PCDHA2: variants seen among roughly 807,000 people sequenced by gnomAD.
The protein encoded by PCDHA2 is protocadherin alpha-2.
Under a neutral mutation model 66.0 loss-of-function variants are expected in PCDHA2, and 58 were observed. The observed-to-expected ratio is 0.88, with a 90% CI of 0.71 to 1.09. The LOEUF is 1.09. PCDHA2 is among the 50% of genes least tolerant of loss of function. The probability of loss-of-function intolerance (pLI) is 0.00; values close to 1 mark genes in which losing one functional copy is unlikely to be tolerated. For missense variants in PCDHA2, 1,267 were observed against 1,242.3 expected (o/e 1.02, Z -0.30); for synonymous variants, 634 against 554.0 (o/e 1.14, Z -2.03).
intron 1 of PCDHA2, among the ~76,000 whole-genome samples, chr5:140,799,614 G>A (rs1432047131): frequency 1.3e-5 from 2 of 151,580 alleles, no homozygotes; most frequent in African/African-American, 2.4e-5. Context: ...TATTTATCTT[G>A]CTTGAAAAAG....
At chr5:140,876,323 T>C (rs1554168484) in intron 1 of PCDHA2, 1 of 1,614,000 alleles carries the variant, frequency 6.2e-7, no homozygotes, top group Middle Eastern at 1.6e-4. Context: ...ATCAAAATGA[T>C]TTTGCCAGTG....
rs1767505494 is a variant in PCDHA2, at chr5:140,822,996, G to T, written c.2388+25644G>T. On this transcript the variant is annotated intron_variant, in intron 1 of 3. Coordinates refer to ENST00000526136, the MANE Select transcript of PCDHA2 (RefSeq NM_018905.3). ...CCTTCAAGAATTACTACTCGTTGGT[G>T]CTGGACAGCGCCCTGGACCGCGAGA... 5 of 1,614,122 alleles carry T rather than the reference G, an allele frequency of 3.1e-6. No individual in the cohort carries two copies. In the South Asian group the frequency reaches 4.4e-5, roughly 14 times the overall value.
Position 140,941,322 on chromosome 5 carries a change from T to C in PCDHA2, c.2389-37627T>C, listed in dbSNP as rs1340835610. Among the ~76,000 whole-genome samples the C allele has an allele frequency of 3.4e-5, 5 of 145,550 alleles. No individual in the cohort carries two copies. The East Asian group carries it at 6.0e-4, about 17-fold the overall frequency. The stretch of plus-strand genomic sequence containing the variant: ...TTTCTTTCTTTTTCTTCTTTCTCTT[T>C]TTTTTTTTTTTTCAGATGGAGTCTT... On this transcript the variant is annotated intron_variant, in intron 1 of 3. Coordinates refer to ENST00000526136, the MANE Select transcript of PCDHA2 (RefSeq NM_018905.3).
intron 1 of PCDHA2, among the ~76,000 whole-genome samples, chr5:140,962,378 G>A (rs184607177): frequency 2.1e-3 from 316 of 152,286 alleles, no homozygotes; most frequent in African/African-American, 7.3e-3. Context: ...GATTTTATCT[G>A]TTAATATTAC....
intron 1 of PCDHA2, among the ~76,000 whole-genome samples, chr5:140,890,310 G>C (rs1554184247): frequency 6.6e-6 from 1 of 152,160 alleles, no homozygotes; most frequent in African/African-American, 2.4e-5. Context: ...GTAATATTAA[G>C]TTGTTTTAAG....
chr5:140,875,349 C>T lies in PCDHA2; in HGVS notation c.2388+77997C>T, dbSNP rs113418307. The T allele has an allele frequency of 9.7e-4, 1,402 of 1,444,894 alleles. 9 individuals carry two copies. In the African/African-American group the frequency reaches 0.018, roughly 18 times the overall value. 89.5% of individuals were successfully genotyped at this position (1,444,894 alleles called of 1,614,324 possible). A position where few individuals can be genotyped will look rare whatever the true frequency, so the allele number is the denominator to read the frequency against. ...CGGAATAGGATCGACTCCATAATGA[C>T]TGTGATGCTGGAAAAAATTTACTAA... On this transcript the variant is annotated intron_variant, in intron 1 of 3. Coordinates refer to ENST00000526136, the MANE Select transcript of PCDHA2 (RefSeq NM_018905.3).
chr5:140,961,135 A>T (rs1554225235), intron 1 of PCDHA2, among the ~76,000 whole-genome samples: 2 of 152,186 alleles, frequency 1.3e-5, no homozygotes, highest in African/African-American at 4.8e-5. Flanking sequence ...TTGGCACTTA[A>T]GAGTTGGCAT....
chr5:140,968,301 A>G (rs886575781), intron 1 of PCDHA2: 9 of 1,613,914 alleles, frequency 5.6e-6, no homozygotes, highest in Non-Finnish European at 7.6e-6. Flanking sequence ...CTGGAGAGGG[A>G]GATTCAAGGG....
At chr5:140,963,594 C>G (rs549697848) in intron 1 of PCDHA2, among the ~76,000 whole-genome samples, 1 of 152,258 alleles carries the variant, frequency 6.6e-6, no homozygotes, top group South Asian at 2.1e-4. Flanking sequence ...GGATATAGTT[C>G]TAGACGTAAT....
chr5:140,909,684 GT>G (rs2074636344), intron 1 of PCDHA2, among the ~76,000 whole-genome samples: 1 of 152,220 alleles, frequency 6.6e-6, no homozygotes, highest in Non-Finnish European at 1.5e-5. Context: ...GGGAGCCAAT[GT>G]GGGGGTTCTG....
At chr5:140,822,871 A>G (rs1767455732) in intron 1 of PCDHA2, 1 of 1,614,204 alleles carries the variant, frequency 6.2e-7, no homozygotes, top group Non-Finnish European at 8.5e-7. Context: ...TCCACTCAGC[A>G]CGGTCATTGC....
intron 1 of PCDHA2, among the ~76,000 whole-genome samples, chr5:140,933,690 T>A (rs1382967033): frequency 1.3e-5 from 2 of 152,048 alleles, no homozygotes; most frequent in Non-Finnish European, 2.9e-5. Flanking sequence ...TTTTTCCTAT[T>A]CCTCGGACAC....
chr5:140,909,376 A>C (rs934172847), intron 1 of PCDHA2, among the ~76,000 whole-genome samples: 3 of 152,208 alleles, frequency 2.0e-5, no homozygotes, highest in Non-Finnish European at 4.4e-5. Context: ...AAGCAATGAA[A>C]CCACATCTAG....
At chr5:140,928,676 G>A in intron 1 of PCDHA2, 2 of 1,614,166 alleles carry the variant, frequency 1.2e-6, no homozygotes, top group East Asian at 2.2e-5. Context: ...TCTAATGCCT[G>A]GCTTTCCTAC....
At chr5:140,998,881 T>C (rs892142070) in intron 3 of PCDHA2, among the ~76,000 whole-genome samples, 13 of 152,224 alleles carry the variant, frequency 8.5e-5, no homozygotes, top group Admixed American at 2.6e-4. Flanking sequence ...ATAAGTTTAG[T>C]TGAATAAATA....
chr5:140,822,992 T>G, intron 1 of PCDHA2: 1 of 1,614,216 alleles, frequency 6.2e-7, no homozygotes, highest in Non-Finnish European at 8.5e-7. Context: ...TACTACTCGT[T>G]GGTGCTGGAC....
At chr5:140,815,500 G>A (rs1554126799) in intron 1 of PCDHA2, 1 of 150,994 alleles carries the variant, frequency 6.6e-6, no homozygotes, top group African/African-American at 2.4e-5. Flanking sequence ...TTATGTTATT[G>A]ATGTCATAAA....
At chr5:140,839,269 T>TA (rs1554137370) in intron 1 of PCDHA2, among the ~76,000 whole-genome samples, 3 of 152,098 alleles carry the variant, frequency 2.0e-5, no homozygotes, top group African/African-American at 7.2e-5. Flanking sequence ...CATGTATATT[T>TA]AAAACCTTCC....
intron 3 of PCDHA2, among the ~76,000 whole-genome samples, chr5:140,997,288 T>C (rs1554255825): frequency 1.3e-5 from 2 of 152,222 alleles, no homozygotes; most frequent in African/African-American, 4.8e-5. Context: ...CACTTAACAA[T>C]GGGGATACAC....
Sources: allele counts gnomAD v4.1 joint callset (sites outside exome capture counted in the v4.1 genomes callset), GRCh38; gene constraint gnomAD v4.1.1; transcripts MANE v1.5; gene names NCBI Gene and HGNC (gene_info 2026-07-23, HGNC 2026-07-21).